TNS1: variants seen among roughly 807,000 people sequenced by gnomAD.
TNS1 encodes tensin 1.
A neutral mutation model predicts 168.6 loss-of-function variants in TNS1; 62 were observed. The observed-to-expected ratio is 0.37, with a 90% CI of 0.30 to 0.45. TNS1 has a LOEUF of 0.45. Ranked by LOEUF, TNS1 falls within the 20% of genes least tolerant of loss-of-function variation. The probability of loss-of-function intolerance (pLI) is 1.00; values close to 1 mark genes in which losing one functional copy is unlikely to be tolerated. For synonymous variants in TNS1, 934 were observed against 933.2 expected, an observed-to-expected ratio of 1.00 and a Z score of -0.02; for missense variants, 2,240 against 2,339.4, an observed-to-expected ratio of 0.96 and a Z score of 0.88.
chr2:217,850,558 G>A (rs1244377486), intron 18 of TNS1: 2 of 982,244 alleles, frequency 2.0e-6, no homozygotes, highest in African/African-American at 3.6e-5. Flanking sequence ...TGTACAGTCA[G>A]CAGCCCAGCC....
rs762819345 is a variant in TNS1, at chr2:217,886,063, C to T, written c.1021G>A (p.Val341Met). 1.7e-5 allele frequency: 27 copies of T among 1,614,042 alleles called. No homozygotes were observed. The highest frequency in any genetic ancestry group is 1.6e-5 in the Non-Finnish European group (19 of 1,180,000). Residue 341 changes from valine to methionine, a missense_variant, in exon 14 of 33, where the codon GTG becomes ATG. Coordinates refer to ENST00000682258, the MANE Select transcript of TNS1 (RefSeq NM_001387777.1). ...ACTTACTAGATGCCAGATGTGTACA[C>T]AGGTTGCATGGCCTGGTAGATGCGG... is the stretch of plus-strand genomic sequence containing the variant. ...FLRIYQAMQP[V>M]YTSGIYNIPG...
intron 1 of TNS1, chr2:218,009,997 A>G: frequency 5.8e-6 from 2 of 346,526 alleles, no homozygotes; most frequent in East Asian, 8.4e-5. Context: ...AGTGGAGGGT[A>G]GTAAGTCAGA....
intron 18 of TNS1, among the ~76,000 whole-genome samples, chr2:217,876,470 G>A (rs2125621563): frequency 6.6e-6 from 1 of 152,214 alleles, no homozygotes; most frequent in South Asian, 2.1e-4. Flanking sequence ...CCGCAAGGAG[G>A]GAACCAGACC....
rs561002262 is a variant in TNS1 at position 217,995,900 on chromosome 2, T to A, written c.34-4844A>T. 3.3e-5 allele frequency among the ~76,000 whole-genome samples: 5 copies of A among 152,292 alleles called. No homozygotes were observed. The South Asian group carries it at 1.0e-3, about 32-fold the overall frequency. On this transcript the variant is annotated intron_variant, in intron 1 of 32. Transcript: ENST00000682258. The surrounding 1 kb of genome is among the most constrained non-coding windows in gnomAD (Gnocchi z 4.1). ...CACCCTGCCACCAGCCCACCCAGCA[T>A]CAGAGGGCTTTCGTGGCCCTCGGGG...
chr2:217,931,071 C>T (rs7585036), intron 3 of TNS1, among the ~76,000 whole-genome samples: 4 of 152,024 alleles, frequency 2.6e-5, no homozygotes, highest in African/African-American at 9.7e-5. Context: ...TGCCAGGTTC[C>T]CAGCTCTGGA....
At chr2:217,874,557 C>T (rs1207186436) in intron 18 of TNS1, among the ~76,000 whole-genome samples, 1 of 152,170 alleles carries the variant, frequency 6.6e-6, no homozygotes, top group Non-Finnish European at 1.5e-5. Flanking sequence ...AGGCATGTCT[C>T]CTGACTCCCA....
At chr2:217,977,273 C>T (rs909366771) in intron 3 of TNS1, among the ~76,000 whole-genome samples, 3 of 152,144 alleles carry the variant, frequency 2.0e-5, no homozygotes, top group Non-Finnish European at 2.9e-5. Context: ...CAGAAACGTA[C>T]TCTCCATCCA....
At chr2:217,831,415 C>T in intron 22 of TNS1, 40 bp downstream of exon 22, 1 of 1,512,326 alleles carries the variant, frequency 6.6e-7, no homozygotes, top group Non-Finnish European at 8.9e-7. Flanking sequence ...AGTCCTCCTC[C>T]CCCTGGCCCC....
chr2:217,912,361 C>T (rs1339773341), intron 4 of TNS1, among the ~76,000 whole-genome samples: 1 of 152,232 alleles, frequency 6.6e-6, no homozygotes, highest in African/African-American at 2.4e-5. Flanking sequence ...AGGAACATTC[C>T]GTCCGGAAAT....
At chr2:217,999,717 T>C (rs1424587098) in intron 1 of TNS1, among the ~76,000 whole-genome samples, 2 of 152,192 alleles carry the variant, frequency 1.3e-5, no homozygotes, top group African/African-American at 4.8e-5. Context: ...ATGACCGGAA[T>C]TGTGCACAAG....
intron 9 of TNS1, 28 bp downstream of exon 9, chr2:217,894,978 C>T: frequency 6.2e-7 from 1 of 1,610,398 alleles, no homozygotes; most frequent in Non-Finnish European, 8.5e-7. Context: ...CCTTCTCCTC[C>T]CCTACCCCAA....
chr2:217,838,686 G>C (rs1315489224), intron 19 of TNS1, among the ~76,000 whole-genome samples: 1 of 152,184 alleles, frequency 6.6e-6, no homozygotes, highest in African/African-American at 2.4e-5. Flanking sequence ...TCCCACTGTT[G>C]TCCCCCTTGG....
Position 217,804,216 on chromosome 2 carries a change from T to C in TNS1, c.*243A>G. 2.1e-6 allele frequency: 1 copy of C among 478,298 alleles called. No individual in the cohort carries two copies. The highest frequency in any genetic ancestry group is 3.6e-5 in the East Asian group (1 of 27,744). The allele number at this position is 478,298 out of a possible 1,614,324, so 29.6% of individuals were successfully genotyped here. ...TTGGAGGCTTTGGGTTTTTGCAGTTTCCATCTACCCAGGGGAATCCAAGTT... is the reference window on the plus strand; with the variant it reads ...TTGGAGGCTTTGGGTTTTTGCAGTTCCCATCTACCCAGGGGAATCCAAGTT... On this transcript the variant is annotated 3_prime_UTR_variant, in exon 33 of 33. Transcript: ENST00000682258.
intron 4 of TNS1, among the ~76,000 whole-genome samples, chr2:217,909,987 G>A (rs937014540): frequency 1.3e-5 from 2 of 152,162 alleles, no homozygotes; most frequent in African/African-American, 4.8e-5. Context: ...ATACTTGTCA[G>A]CTATCACTAT....
chr2:217,945,408 G>A (rs568889119), intron 3 of TNS1, among the ~76,000 whole-genome samples: 1 of 152,298 alleles, frequency 6.6e-6, no homozygotes, highest in Admixed American at 6.5e-5. Flanking sequence ...TTGGAGGGCT[G>A]CCTCGCCCCC....
intron 3 of TNS1, among the ~76,000 whole-genome samples, chr2:217,926,695 T>C (rs117320597): frequency 0.031 from 4,705 of 152,346 alleles, 202 homozygotes; most frequent in East Asian, 0.2. Flanking sequence ...TCTCTGCATG[T>C]CAAGCACTGT....
chr2:217,818,400 G>A lies in TNS1; in HGVS notation c.3932C>T (p.Pro1311Leu), dbSNP rs544348080. The A allele has an allele frequency of 4.7e-5, 76 of 1,614,166 alleles. No homozygotes were observed. In the South Asian group the frequency reaches 7.8e-4, roughly 17 times the overall value. The change falls in exon 24 of 33, where the codon CCC (proline) becomes CTC (leucine). Residue 1311 changes from proline to leucine, a missense_variant. By Grantham distance (98) the Pro-to-Leu change is moderately conservative. Coordinates refer to ENST00000682258, the MANE Select transcript of TNS1 (RefSeq NM_001387777.1). ...GTGATGGCTCAAACTGGGACTGCTGGGGGCAGCCATGCTGGGATTGATGGC... is the reference window on the plus strand; with the variant it reads ...GTGATGGCTCAAACTGGGACTGCTGAGGGCAGCCATGCTGGGATTGATGGC... ...WRAINPSMAAPSSPSLSHHQM... is the reference protein window; with the variant it reads ...WRAINPSMAALSSPSLSHHQM...
chr2:217,833,014 CT>C (rs1342597535), intron 21 of TNS1, among the ~76,000 whole-genome samples: 1 of 152,196 alleles, frequency 6.6e-6, no homozygotes, highest in Non-Finnish European at 1.5e-5. Context: ...GTCATGGTGT[CT>C]TGCTCATAGA....
rs1172756448 is a variant in TNS1, at chr2:217,809,540, CATGGATGG to C, written c.5273+275_5273+282del. 8.5e-4 allele frequency among the ~76,000 whole-genome samples: 9 copies of C among 10,550 alleles called. 1 individual carries two copies. The highest frequency in any genetic ancestry group is 1.3e-3 in the Non-Finnish European group (7 of 5,546). 6.9% of individuals were successfully genotyped at this position (10,550 alleles called of 152,430 possible). A position where few individuals can be genotyped will look rare whatever the true frequency, so the allele number is the denominator to read the frequency against. ...GGATGGATAGGTGCATGGATGGATG[CATGGATGG>C]ATGGATGGATGGATGGATGGATGGA... is the stretch of plus-strand genomic sequence containing the variant. On this transcript the variant is annotated intron_variant, in intron 30 of 32. Transcript: ENST00000682258.
Sources: allele counts gnomAD v4.1 joint callset (sites outside exome capture counted in the v4.1 genomes callset), GRCh38; gene constraint gnomAD v4.1.1; non-coding constraint Gnocchi (gnomAD v3.1); transcripts MANE v1.5; gene names NCBI Gene and HGNC (gene_info 2026-07-23, HGNC 2026-07-21).